Variants in FAM110B observed in about 807,000 individuals in gnomAD.
FAM110B encodes the protein protein FAM110B.
In FAM110B, 6 loss-of-function variants were observed where a neutral mutation model predicts 20.4. That is an observed-to-expected ratio of 0.29 (90% CI 0.16 to 0.58). FAM110B has a LOEUF of 0.58. FAM110B is among the 20% of genes least tolerant of loss of function. FAM110B has a pLI of 0.90. For synonymous variants in FAM110B, 226 were observed against 214.1 expected, an observed-to-expected ratio of 1.06 and a Z score of -0.49; for missense variants, 434 against 498.2, an observed-to-expected ratio of 0.87 and a Z score of 1.23.
At position 58,147,156 on chromosome 8, in the gene FAM110B, G is replaced by A. The variant is rs1314434459; in HGVS notation, c.926G>A (p.Arg309His). The A allele has an allele frequency of 4.3e-6, 7 of 1,614,074 alleles. No homozygotes were observed. Among genetic ancestry groups the A allele is most frequent in the South Asian group, 1.1e-5 (1 of 91,080 alleles). ...ANSDIISLNF[R>H]SASMISSDCE... Reference sequence around the variant, plus strand: ...TCTGACATAATATCCCTCAACTTCCGCAGCGCAAGCATGATCAGCTCAGAC... The same window carrying A: ...TCTGACATAATATCCCTCAACTTCCACAGCGCAAGCATGATCAGCTCAGAC... The change falls in exon 4 of 4, where the codon CGC (arginine) becomes CAC (histidine). Residue 309 changes from arginine to histidine, a missense_variant. By Grantham distance (29) the Arg-to-His change is conservative (BLOSUM62 0). Coordinates refer to ENST00000519262, the MANE Select transcript of FAM110B (RefSeq NM_001377989.1).
intron 2 of FAM110B, among the ~76,000 whole-genome samples, chr8:58,061,695 C>A (rs1805661285): frequency 6.6e-6 from 1 of 152,200 alleles, no homozygotes; most frequent in Non-Finnish European, 1.5e-5. Flanking sequence ...GAGCTAATAG[C>A]ATACACATGA....
chr8:58,135,552 A>G (rs1389329051), intron 3 of FAM110B, among the ~76,000 whole-genome samples: 1 of 152,242 alleles, frequency 6.6e-6, no homozygotes, highest in Non-Finnish European at 1.5e-5. Flanking sequence ...GCTGTTTACT[A>G]GAAATTAAAA....
intron 3 of FAM110B, among the ~76,000 whole-genome samples, chr8:58,128,970 C>T (rs1376373106): frequency 3.3e-5 from 5 of 152,090 alleles, no homozygotes; most frequent in Admixed American, 6.5e-5. Flanking sequence ...TTTCAAGTAT[C>T]CTTGTAAACA....
chr8:58,096,775 G>A (rs1349674770), intron 3 of FAM110B, among the ~76,000 whole-genome samples: 7 of 152,134 alleles, frequency 4.6e-5, no homozygotes, highest in African/African-American at 1.2e-4. Context: ...TGTCTGTAAA[G>A]GATTTTATTT....
chr8:58,042,055 A>T (rs1108188), intron 2 of FAM110B, among the ~76,000 whole-genome samples: 11,230 of 152,290 alleles, frequency 0.074, 512 homozygotes, highest in East Asian at 0.17. Flanking sequence ...TGAATAAAAT[A>T]GATTTTGATT....
In FAM110B at chr8:58,147,225, A is replaced by T. The variant is rs1168775398; in HGVS notation, c.995A>T (p.Asp332Val). ...AGTAACAGTGACCTTAGAAATGATG[A>T]CAGTGCCAATGACCGCGTGCCGTAT... Reference protein sequence around the residue: ...QDSNSDLRNDDSANDRVPYGI... With the variant: ...QDSNSDLRNDVSANDRVPYGI... Residue 332 changes from aspartate to valine, a missense_variant, in exon 4 of 4, where the codon GAC (aspartate) becomes GTC (valine). By Grantham distance (152) the Asp-to-Val change is radical (BLOSUM62 -3). Transcript: ENST00000519262. 1 of 1,614,120 alleles carries T rather than the reference A, an allele frequency of 6.2e-7. No homozygotes were observed. Among genetic ancestry groups the T allele is most frequent in the East Asian group, 2.2e-5 (1 of 44,886 alleles).
Position 58,147,216 on chromosome 8 carries a change from G to A in FAM110B, c.986G>A (p.Arg329Lys). The A allele has an allele frequency of 6.2e-7, 1 of 1,614,100 alleles. No individual in the cohort carries two copies. The highest frequency in any genetic ancestry group is 8.5e-7 in the Non-Finnish European group (1 of 1,180,022). Residue 329 changes from arginine to lysine, a missense_variant, in exon 4 of 4, where the codon AGA (arginine) becomes AAA (lysine). By Grantham distance (26) the Arg-to-Lys change is conservative. Around this residue, in one of 3 missense-constraint regions of FAM110B, gnomAD observed 94 missense variants for 137.8 expected, o/e 0.68. Coordinates refer to ENST00000519262, the MANE Select transcript of FAM110B (RefSeq NM_001377989.1). ...EQSQDSNSDL[R>K]NDDSANDRVP... Reference sequence around the variant, plus strand: ...TCTCAGGACAGTAACAGTGACCTTAGAAATGATGACAGTGCCAATGACCGC... The same window carrying A: ...TCTCAGGACAGTAACAGTGACCTTAAAAATGATGACAGTGCCAATGACCGC...
intron 2 of FAM110B, among the ~76,000 whole-genome samples, chr8:58,064,926 C>T (rs1015014515): frequency 2.0e-5 from 3 of 152,122 alleles, no homozygotes; most frequent in Non-Finnish European, 2.9e-5. Context: ...ATATAACCCT[C>T]GAAGTTTTTG....
chr8:58,138,756 G>A (rs1205278344), intron 3 of FAM110B, among the ~76,000 whole-genome samples: 2 of 152,204 alleles, frequency 1.3e-5, no homozygotes, highest in Non-Finnish European at 2.9e-5. Flanking sequence ...ACAACGTAGT[G>A]CATATTCACT....
intron 2 of FAM110B, among the ~76,000 whole-genome samples, chr8:58,074,328 C>T (rs1388910993): frequency 1.3e-5 from 2 of 152,084 alleles, no homozygotes; most frequent in Non-Finnish European, 1.5e-5. Flanking sequence ...TCGGTGGGCC[C>T]GTCCATTGCC....
At chr8:58,049,379 C>A (rs1420354532) in intron 2 of FAM110B, among the ~76,000 whole-genome samples, 2 of 151,732 alleles carry the variant, frequency 1.3e-5, no homozygotes, top group Non-Finnish European at 1.5e-5. Flanking sequence ...ACAATGGATA[C>A]AAATATTTCT....
intron 1 of FAM110B, among the ~76,000 whole-genome samples, chr8:58,002,056 C>CA (rs1427050803): frequency 1.3e-5 from 2 of 151,728 alleles, no homozygotes; most frequent in African/African-American, 4.9e-5. Context: ...GAGAGAGAGA[C>CA]AGAGAGAATT....
At chr8:58,080,441 A>G (rs749919018) in intron 3 of FAM110B, among the ~76,000 whole-genome samples, 1 of 152,202 alleles carries the variant, frequency 6.6e-6, no homozygotes, top group Non-Finnish European at 1.5e-5. Context: ...GAGGAGATTT[A>G]AACAGTGATT....
chr8:58,050,537 T>A (rs1020074815), intron 2 of FAM110B, among the ~76,000 whole-genome samples: 5 of 152,202 alleles, frequency 3.3e-5, no homozygotes, highest in Non-Finnish European at 7.3e-5. Context: ...GTTTCCTGGC[T>A]GCAGGCCAAG....
intron 3 of FAM110B, among the ~76,000 whole-genome samples, chr8:58,127,285 A>G (rs911527508): frequency 1.3e-5 from 2 of 152,198 alleles, no homozygotes; most frequent in South Asian, 2.1e-4. Flanking sequence ...TCATACCACA[A>G]TCTTGATTAC....
intron 3 of FAM110B, among the ~76,000 whole-genome samples, chr8:58,133,476 C>T (rs1803534219): frequency 6.6e-6 from 1 of 152,190 alleles, no homozygotes; most frequent in African/African-American, 2.4e-5. Flanking sequence ...TCAGTACCAC[C>T]ACTCACCATT....
Position 58,146,925 on chromosome 8 carries a change from C to T in FAM110B, c.695C>T (p.Ala232Val). The T allele has an allele frequency of 6.2e-7, 1 of 1,614,216 alleles. No individual in the cohort carries two copies. The highest frequency in any genetic ancestry group is 8.5e-7 in the Non-Finnish European group (1 of 1,180,050). ...PPLPPKPKIA[A>V]IASMKSPEAD... is the part of the protein sequence containing the mutation. The stretch of plus-strand genomic sequence containing the variant: ...CTGCCTCCCAAGCCCAAAATCGCAG[C>T]CATCGCCTCCATGAAGTCCCCCGAG... The change falls in exon 4 of 4, where the codon GCC becomes GTC. Residue 232 changes from alanine to valine, a missense_variant. Coordinates refer to ENST00000519262, the MANE Select transcript of FAM110B (RefSeq NM_001377989.1).
chr8:58,046,548 C>G (rs913611470), intron 2 of FAM110B, among the ~76,000 whole-genome samples: 1 of 152,170 alleles, frequency 6.6e-6, no homozygotes, highest in African/African-American at 2.4e-5. Context: ...ACATAGTCAT[C>G]CATTGGCAAA....
chr8:58,010,404 A>G (rs912346348), intron 1 of FAM110B, among the ~76,000 whole-genome samples: 2 of 152,082 alleles, frequency 1.3e-5, no homozygotes, highest in Non-Finnish European at 2.9e-5. Context: ...CATTTCAGGA[A>G]TGTGAGGGAA....
Sources: allele counts gnomAD v4.1 joint callset (sites outside exome capture counted in the v4.1 genomes callset), GRCh38; gene constraint gnomAD v4.1.1; regional missense constraint gnomAD v4.1.1; transcripts MANE v1.5; gene names NCBI Gene and HGNC (gene_info 2026-07-23, HGNC 2026-07-21).